Variants in OXR1 observed in about 807,000 individuals in gnomAD.
OXR1 encodes oxidation resistance 1.
In OXR1, 41 loss-of-function variants were observed where a neutral mutation model predicts 104.6. The ratio of observed to expected loss-of-function variants is 0.39; its 90% CI spans 0.31 to 0.51. The LOEUF (loss-of-function observed/expected upper bound fraction) is 0.51, where lower values mean the gene tolerates loss of function less well. Among genes scored for constraint, OXR1 ranks in the 20% least tolerant of loss-of-function variants. OXR1 has a pLI of 0.77. For synonymous variants in OXR1, 348 were observed against 348.4 expected (o/e 1.00, Z 0.01); for missense variants, 955 against 1,031.9 (o/e 0.93, Z 1.02).
intron 2 of OXR1, among the ~76,000 whole-genome samples, chr8:106,481,643 G>A (rs1021694029): frequency 6.6e-6 from 1 of 152,026 alleles, no homozygotes; most frequent in African/African-American, 2.4e-5. Context: ...TTTAGTTTTT[G>A]AGAAGGAAAA....
At position 106,333,744 on chromosome 8, in the gene OXR1, C is replaced by T. The variant is rs376655866; in HGVS notation, c.-138-25732C>T. 8.5e-5 allele frequency among the ~76,000 whole-genome samples: 13 copies of T among 152,118 alleles called. No individual in the cohort carries two copies. The East Asian group carries it at 1.9e-3, about 23-fold the overall frequency. Reference sequence around the variant, plus strand: ...TTGTTGAAATAACTGTTCTTTTTGGCACTCTTGTTGAAATTCAATTGACCA... The same window carrying T: ...TTGTTGAAATAACTGTTCTTTTTGGTACTCTTGTTGAAATTCAATTGACCA... On this transcript the variant is annotated intron_variant, in intron 1 of 16. Transcript: ENST00000517566.
At chr8:106,367,199 C>T (rs1008531442) in intron 2 of OXR1, among the ~76,000 whole-genome samples, 1 of 151,692 alleles carries the variant, frequency 6.6e-6, no homozygotes, top group Non-Finnish European at 1.5e-5. Flanking sequence ...GTAGCTGGGA[C>T]TACAGGTGCG....
intron 1 of OXR1, among the ~76,000 whole-genome samples, chr8:106,275,067 G>A (rs1205336331): frequency 6.6e-6 from 1 of 152,184 alleles, no homozygotes; most frequent in Non-Finnish European, 1.5e-5. Flanking sequence ...AACATAAGAT[G>A]GGCATTCATT....
chr8:106,271,868 C>G (rs540729146), intron 1 of OXR1: 1 of 152,308 alleles, frequency 6.6e-6, no homozygotes, highest in South Asian at 2.1e-4. Flanking sequence ...TCCTGGGAGT[C>G]CCGGCCGTCA....
chr8:106,362,373 A>G (rs947473148), intron 2 of OXR1, among the ~76,000 whole-genome samples: 2 of 152,182 alleles, frequency 1.3e-5, no homozygotes, highest in South Asian at 4.1e-4. Context: ...TTAAAAGCAT[A>G]GGTTAGTATA....
At chr8:106,396,777 C>T (rs565796797) in intron 2 of OXR1, among the ~76,000 whole-genome samples, 1 of 152,112 alleles carries the variant, frequency 6.6e-6, no homozygotes, top group Non-Finnish European at 1.5e-5. Context: ...AGGTTAATGT[C>T]TTAGTTTTGA....
intron 3 of OXR1, among the ~76,000 whole-genome samples, chr8:106,546,031 G>A (rs1815332221): frequency 6.6e-6 from 1 of 151,866 alleles, no homozygotes; most frequent in Non-Finnish European, 1.5e-5. Flanking sequence ...GGTATAATTG[G>A]TTAATCATTT....
rs572160415 is a variant in OXR1 at position 106,359,805 on chromosome 8, C to G, written c.23+169C>G. Among the ~76,000 whole-genome samples the G allele has an allele frequency of 5.6e-4, 85 of 152,238 alleles. 1 individual carries two copies. In the South Asian group the frequency reaches 0.017, roughly 30 times the overall value. ...AAGAAAGCAATCTAGGATTAGAAGT[C>G]TGACACTTTCAGTGCTATGATATCT... is the stretch of plus-strand genomic sequence containing the variant. On this transcript the variant is annotated intron_variant, in intron 2 of 16. Coordinates refer to ENST00000517566, the MANE Select transcript of OXR1 (RefSeq NM_001198533.2).
At position 106,388,735 on chromosome 8, in the gene OXR1, A is replaced by G. The variant is rs545760214; in HGVS notation, c.23+29099A>G. 1.8e-4 allele frequency among the ~76,000 whole-genome samples: 28 copies of G among 152,192 alleles called. 1 individual carries two copies. In the South Asian group the frequency reaches 5.8e-3, roughly 32 times the overall value. On this transcript the variant is annotated intron_variant, in intron 2 of 16. Transcript: ENST00000517566. ...CCTTGCCCAGCCTTTCAGTTCTTTAAGTTGAGCTTCAATAGCACAGGACCT... is the reference window on the plus strand; with the variant it reads ...CCTTGCCCAGCCTTTCAGTTCTTTAGGTTGAGCTTCAATAGCACAGGACCT...
At chr8:106,603,432 A>AT (rs1486637227) in intron 3 of OXR1, among the ~76,000 whole-genome samples, 23 of 152,110 alleles carry the variant, frequency 1.5e-4, no homozygotes, top group Non-Finnish European at 2.9e-4. Flanking sequence ...GCTTTTCTGT[A>AT]TTTTTTAAAT....
chr8:106,532,373 C>T (rs551789453), intron 3 of OXR1, among the ~76,000 whole-genome samples: 35 of 152,310 alleles, frequency 2.3e-4, no homozygotes, highest in African/African-American at 8.4e-4. Flanking sequence ...TTGGATCCTA[C>T]CTCTGCTATT....
At chr8:106,426,329 C>T (rs967592977) in intron 2 of OXR1, among the ~76,000 whole-genome samples, 1 of 151,548 alleles carries the variant, frequency 6.6e-6, no homozygotes, top group African/African-American at 2.4e-5. Flanking sequence ...TACTTTGCCT[C>T]TTTTTGATGC....
chr8:106,300,871 C>T (rs1432748757), intron 1 of OXR1, among the ~76,000 whole-genome samples: 1 of 152,166 alleles, frequency 6.6e-6, no homozygotes, highest in Non-Finnish European at 1.5e-5. Context: ...TCTCTTCATA[C>T]ACTGCCTTCC....
chr8:106,360,456 A>C (rs945835805), intron 2 of OXR1, among the ~76,000 whole-genome samples: 3 of 152,188 alleles, frequency 2.0e-5, no homozygotes, highest in Non-Finnish European at 4.4e-5. Context: ...CAGATTAAAC[A>C]GTTGTTACTG....
rs923090231 is a variant in OXR1 at position 106,339,364 on chromosome 8, G to A, written c.-138-20112G>A. Among the ~76,000 whole-genome samples the A allele has an allele frequency of 5.3e-5, 8 of 150,332 alleles. No individual in the cohort carries two copies. The South Asian group carries it at 1.7e-3, about 32-fold the overall frequency. On this transcript the variant is annotated intron_variant, in intron 1 of 16. Coordinates refer to ENST00000517566, the MANE Select transcript of OXR1 (RefSeq NM_001198533.2). ...CAAAAAATCAGCCGGGCGTGGTGGCGAGCACCTGTAGTCCCAGCTACTGGG... is the reference window on the plus strand; with the variant it reads ...CAAAAAATCAGCCGGGCGTGGTGGCAAGCACCTGTAGTCCCAGCTACTGGG...
intron 2 of OXR1, among the ~76,000 whole-genome samples, chr8:106,424,931 C>T (rs1819050706): frequency 6.6e-6 from 1 of 151,850 alleles, no homozygotes. Flanking sequence ...AAACTCTCCT[C>T]AAGATTGAGT....
intron 2 of OXR1, among the ~76,000 whole-genome samples, chr8:106,433,046 A>G (rs530505450): frequency 6.6e-6 from 1 of 152,250 alleles, no homozygotes; most frequent in Admixed American, 6.5e-5. Context: ...GAGAATTGCA[A>G]TGGATAAAGA....
intron 2 of OXR1, among the ~76,000 whole-genome samples, chr8:106,443,769 G>A (rs1344490367): frequency 2.0e-5 from 3 of 152,020 alleles, no homozygotes; most frequent in Non-Finnish European, 2.9e-5. Context: ...ATTCCATTCA[G>A]GACATAGGCA....
intron 3 of OXR1, among the ~76,000 whole-genome samples, chr8:106,610,997 AT>A (rs1177203400): frequency 1.3e-5 from 2 of 152,202 alleles, no homozygotes; most frequent in Admixed American, 1.3e-4. Context: ...TCCAGACACT[AT>A]TTTGGGTGCA....
Sources: allele counts gnomAD v4.1 joint callset (sites outside exome capture counted in the v4.1 genomes callset), GRCh38; gene constraint gnomAD v4.1.1; transcripts MANE v1.5; gene names NCBI Gene and HGNC (gene_info 2026-07-23, HGNC 2026-07-21).